Variants in CADPS2 observed in about 807,000 individuals in gnomAD.
CADPS2 encodes calcium-dependent secretion activator 2.
A neutral mutation model predicts 172.5 loss-of-function variants in CADPS2; 93 were observed. The observed-to-expected ratio is 0.54, with a 90% confidence interval of 0.46 to 0.64. CADPS2 has a LOEUF of 0.64. Among genes scored for constraint, CADPS2 ranks in the 30% least tolerant of loss-of-function variants. The pLI is 0.00. For synonymous variants in CADPS2, 546 were observed against 555.2 expected (o/e 0.98, Z 0.23); for missense variants, 1,420 against 1,565.9 (o/e 0.91, Z 1.57).
intron 2 of CADPS2, among the ~76,000 whole-genome samples, chr7:122,709,576 T>C (rs1325325358): frequency 6.6e-6 from 1 of 151,194 alleles, no homozygotes; most frequent in Non-Finnish European, 1.5e-5. Context: ...CAAAGGACTA[T>C]AAATCATGCT....
intron 8 of CADPS2, among the ~76,000 whole-genome samples, chr7:122,534,477 C>G (rs1347149703): frequency 6.6e-6 from 1 of 152,040 alleles, no homozygotes; most frequent in African/African-American, 2.4e-5. Flanking sequence ...TACAAAGTCA[C>G]AGGCTTAAGG....
intron 8 of CADPS2, among the ~76,000 whole-genome samples, chr7:122,528,307 T>G (rs1202605173): frequency 6.6e-6 from 1 of 152,172 alleles, no homozygotes; most frequent in Non-Finnish European, 1.5e-5. Flanking sequence ...TTTTCTAAAA[T>G]GAAGAATACC....
Position 122,736,977 on chromosome 7 carries a change from T to C in CADPS2, c.431A>G (p.Asn144Ser), listed in dbSNP as rs200626659. The change falls in exon 2 of 30, where the codon AAC (asparagine) becomes AGC (serine). Residue 144 changes from asparagine (N) to serine (S), a missense_variant. Physicochemically the swap from Asn to Ser is conservative, Grantham distance 46. Coordinates refer to ENST00000449022, the MANE Select transcript of CADPS2 (RefSeq NM_017954.11). ...TQIVADEAFC[N>S]AVRSYYEVFL... Reference sequence around the variant, plus strand: ...TACCTCATAATAACTCCGAACTGCGTTGCAAAATGCTTCGTCAGCTACAAT... The same window carrying C: ...TACCTCATAATAACTCCGAACTGCGCTGCAAAATGCTTCGTCAGCTACAAT... The C allele has an allele frequency of 3.7e-6, 6 of 1,609,888 alleles. No homozygotes were observed. The highest frequency in any genetic ancestry group is 5.1e-6 in the Non-Finnish European group (6 of 1,176,354).
intron 1 of CADPS2, among the ~76,000 whole-genome samples, chr7:122,750,876 T>C (rs931408151): frequency 6.6e-6 from 1 of 152,162 alleles, no homozygotes; most frequent in Non-Finnish European, 1.5e-5. Context: ...GTTTGGGATT[T>C]TCTGGAGATG....
At chr7:122,444,039 T>G (rs1040125500) in intron 15 of CADPS2, among the ~76,000 whole-genome samples, 1 of 152,154 alleles carries the variant, frequency 6.6e-6, no homozygotes, top group East Asian at 1.9e-4. Context: ...TTAGTTTGTA[T>G]GTCTAGAATT....
At chr7:122,660,065 A>G (rs2080347837) in intron 3 of CADPS2, among the ~76,000 whole-genome samples, 1 of 152,208 alleles carries the variant, frequency 6.6e-6, no homozygotes, top group Admixed American at 6.5e-5. Context: ...AAAGAAATGA[A>G]AGAGCATCAG....
chr7:122,594,277 G>A (rs2071387856), intron 6 of CADPS2, among the ~76,000 whole-genome samples: 1 of 150,630 alleles, frequency 6.6e-6, no homozygotes, highest in Non-Finnish European at 1.5e-5. Flanking sequence ...TCAAAAAGGG[G>A]AAAAAAAAAT....
intron 9 of CADPS2, among the ~76,000 whole-genome samples, chr7:122,503,685 T>C (rs567927222): frequency 6.6e-6 from 1 of 152,188 alleles, no homozygotes; most frequent in Non-Finnish European, 1.5e-5. Context: ...TATCTCCCCT[T>C]ATGTTCTTAT....
chr7:122,351,835 C>A (rs1330756356), intron 27 of CADPS2, among the ~76,000 whole-genome samples: 2 of 152,160 alleles, frequency 1.3e-5, no homozygotes, highest in Non-Finnish European at 2.9e-5. Context: ...GAATGTTTCA[C>A]ACTATTTCTT....
At chr7:122,333,179 T>C (rs1267751233) in intron 28 of CADPS2, among the ~76,000 whole-genome samples, 3 of 152,254 alleles carry the variant, frequency 2.0e-5, no homozygotes, top group Non-Finnish European at 2.9e-5. Flanking sequence ...TCTGGTTGAC[T>C]TATTTTGAAC....
chr7:122,666,796 T>C (rs577099197), intron 2 of CADPS2, among the ~76,000 whole-genome samples: 1 of 152,274 alleles, frequency 6.6e-6, no homozygotes, highest in Admixed American at 6.5e-5. Context: ...GGTCTCCCAA[T>C]GTACCATTCC....
intron 1 of CADPS2, among the ~76,000 whole-genome samples, chr7:122,875,941 C>A (rs922480172): frequency 6.6e-5 from 10 of 152,090 alleles, no homozygotes; most frequent in African/African-American, 1.7e-4. Flanking sequence ...CAAAAGACAA[C>A]CCTAAGGGAA....
intron 7 of CADPS2, among the ~76,000 whole-genome samples, chr7:122,570,309 A>T (rs1213219205): frequency 6.6e-6 from 1 of 152,222 alleles, no homozygotes; most frequent in Non-Finnish European, 1.5e-5. Context: ...CCATCAGAGA[A>T]ATTGAAATCA....
intron 1 of CADPS2, among the ~76,000 whole-genome samples, chr7:122,830,529 T>G (rs1484124779): frequency 6.6e-6 from 1 of 152,200 alleles, no homozygotes; most frequent in East Asian, 1.9e-4. Context: ...AAAAGGAAAT[T>G]TAATTGCTCC....
intron 5 of CADPS2, among the ~76,000 whole-genome samples, chr7:122,616,930 A>T (rs1035045336): frequency 6.6e-6 from 1 of 152,230 alleles, no homozygotes; most frequent in African/African-American, 2.4e-5. Flanking sequence ...CATTTCTCTA[A>T]TAACTTCTTA....
chr7:122,678,986 A>C (rs1283229799), intron 2 of CADPS2, among the ~76,000 whole-genome samples: 1 of 152,038 alleles, frequency 6.6e-6, no homozygotes, highest in Admixed American at 6.5e-5. Flanking sequence ...TAAGTTGAGG[A>C]TGTATGTTGC....
chr7:122,348,658 G>A (rs78133583), intron 27 of CADPS2, among the ~76,000 whole-genome samples: 170 of 152,192 alleles, frequency 1.1e-3, no homozygotes, highest in African/African-American at 3.8e-3. Context: ...TCTTGAAATT[G>A]TGACATATGG....
chr7:122,777,637 C>T (rs999892504), intron 1 of CADPS2, among the ~76,000 whole-genome samples: 1 of 152,054 alleles, frequency 6.6e-6, no homozygotes, highest in Admixed American at 6.5e-5. Flanking sequence ...CCATGCTATT[C>T]TCATGATAGT....
chr7:122,488,434 G>A (rs1360632498), intron 11 of CADPS2, among the ~76,000 whole-genome samples: 2 of 152,208 alleles, frequency 1.3e-5, no homozygotes, highest in African/African-American at 4.8e-5. Flanking sequence ...TACCCAACAA[G>A]TTACTATGTA....
Sources: gnomAD v4.1 joint callset for allele counts (sites outside exome capture counted in the v4.1 genomes callset) on GRCh38, gnomAD v4.1.1 for gene constraint, MANE v1.5 for transcripts, NCBI Gene and HGNC (gene_info 2026-07-23, HGNC 2026-07-21) for gene names.